Variants in FBXL7 observed in about 807,000 individuals in gnomAD.
FBXL7 encodes F-box/LRR-repeat protein 7.
A neutral mutation model predicts 38.3 loss-of-function variants in FBXL7; 12 were observed. That is an observed-to-expected ratio of 0.31 (90% CI 0.20 to 0.51). FBXL7 has a LOEUF of 0.51. FBXL7 is among the 20% of genes least tolerant of loss of function. The pLI, the probability that FBXL7 is intolerant of heterozygous loss-of-function variation, is 0.98. For missense variants in FBXL7, 567 were observed against 676.4 expected (o/e 0.84, Z 1.79); for synonymous variants, 297 against 300.9 (o/e 0.99, Z 0.13).
At chr5:15,656,742 A>C (rs955633111) in intron 2 of FBXL7, among the ~76,000 whole-genome samples, 1 of 152,126 alleles carries the variant, frequency 6.6e-6, no homozygotes, top group African/African-American at 2.4e-5. Flanking sequence ...TAGATGATGA[A>C]TATCTAATAG....
At chr5:15,878,599 G>A (rs1429284387) in intron 2 of FBXL7, among the ~76,000 whole-genome samples, 1 of 152,184 alleles carries the variant, frequency 6.6e-6, no homozygotes. Flanking sequence ...TTGGACACAT[G>A]TATTTCCTAC....
intron 2 of FBXL7, among the ~76,000 whole-genome samples, chr5:15,742,228 T>C (rs1735910764): frequency 6.6e-6 from 1 of 152,184 alleles, no homozygotes; most frequent in Non-Finnish European, 1.5e-5. Flanking sequence ...GTCCTCCCTC[T>C]GTGTGGTGGG....
intron 2 of FBXL7, among the ~76,000 whole-genome samples, chr5:15,641,709 G>A (rs1741373832): frequency 6.6e-6 from 1 of 151,996 alleles, no homozygotes; most frequent in Non-Finnish European, 1.5e-5. Flanking sequence ...AAGCCTGAAT[G>A]GAATAAAAGG....
At chr5:15,825,619 G>A (rs955787049) in intron 2 of FBXL7, among the ~76,000 whole-genome samples, 1 of 152,162 alleles carries the variant, frequency 6.6e-6, no homozygotes, top group Non-Finnish European at 1.5e-5. Context: ...CACTTCTGTT[G>A]TAATATATAA....
intron 1 of FBXL7, chr5:15,602,109 T>G (rs955898893): frequency 6.6e-6 from 1 of 152,146 alleles, no homozygotes. Flanking sequence ...GACAGAGGCA[T>G]GGATCAGAGT....
chr5:15,773,717 A>G (rs1036693687), intron 2 of FBXL7, among the ~76,000 whole-genome samples: 2 of 152,168 alleles, frequency 1.3e-5, no homozygotes, highest in Non-Finnish European at 2.9e-5. Context: ...GATGCAATCT[A>G]CAGAATTCCA....
rs1742174564 is a variant in FBXL7 at position 15,936,076 on chromosome 5, T to C, written c.740-374T>C. 6.6e-6 allele frequency among the ~76,000 whole-genome samples: 1 copy of C among 152,052 alleles called. No homozygotes were observed. The highest frequency in any genetic ancestry group is 2.4e-5 in the African/African-American group (1 of 41,370). On this transcript the variant is annotated intron_variant, in intron 3 of 3. Coordinates refer to ENST00000504595, the MANE Select transcript of FBXL7 (RefSeq NM_012304.5). The surrounding 1 kb of genome is among the most constrained non-coding windows in gnomAD (Gnocchi z 6.0). ...GGCCAAGGCAAGATATTTACACACATCCTCTCATTACTCCATCCCAGCTGC... is the reference window on the plus strand; with the variant it reads ...GGCCAAGGCAAGATATTTACACACACCCTCTCATTACTCCATCCCAGCTGC...
intron 1 of FBXL7, among the ~76,000 whole-genome samples, chr5:15,562,001 A>G (rs1420598602): frequency 6.6e-6 from 1 of 152,290 alleles, no homozygotes; most frequent in South Asian, 2.1e-4. Flanking sequence ...CTAATCTTGG[A>G]TAAGGCCACC....
intron 2 of FBXL7, among the ~76,000 whole-genome samples, chr5:15,624,821 A>C (rs1740757456): frequency 6.6e-6 from 1 of 151,246 alleles, no homozygotes; most frequent in Middle Eastern, 3.2e-3. Context: ...AGCCTCAAAT[A>C]ACTGTTTATG....
chr5:15,599,509 T>C (rs1372364466), intron 1 of FBXL7, among the ~76,000 whole-genome samples: 1 of 152,196 alleles, frequency 6.6e-6, no homozygotes, highest in Non-Finnish European at 1.5e-5. Flanking sequence ...GATCATGGTT[T>C]GGGATTGTAA....
At chr5:15,649,952 G>A (rs1741652250) in intron 2 of FBXL7, among the ~76,000 whole-genome samples, 1 of 152,214 alleles carries the variant, frequency 6.6e-6, no homozygotes, top group Admixed American at 6.5e-5. Flanking sequence ...TTTCTGTGAA[G>A]CAGTGCTCGT....
intron 2 of FBXL7, among the ~76,000 whole-genome samples, chr5:15,917,573 A>G (rs999237507): frequency 2.0e-5 from 3 of 151,786 alleles, no homozygotes; most frequent in African/African-American, 7.3e-5. Context: ...ATGTCACTGC[A>G]CTCCAGCCTG....
intron 2 of FBXL7, among the ~76,000 whole-genome samples, chr5:15,750,089 A>G (rs1313374838): frequency 6.6e-6 from 1 of 152,200 alleles, no homozygotes; most frequent in Non-Finnish European, 1.5e-5. Context: ...TATTTACTGA[A>G]GAAACATAAG....
chr5:15,588,478 C>G (rs1739368573), intron 1 of FBXL7, among the ~76,000 whole-genome samples: 2 of 151,568 alleles, frequency 1.3e-5, no homozygotes, highest in South Asian at 4.2e-4. Flanking sequence ...CCTCTGCCTC[C>G]CAGGTTCAAG....
chr5:15,654,412 A>G (rs1341093368), intron 2 of FBXL7, among the ~76,000 whole-genome samples: 3 of 123,720 alleles, frequency 2.4e-5, no homozygotes, highest in Non-Finnish European at 5.1e-5. Context: ...AAATTCATAA[A>G]AAACTGAAAA....
At chr5:15,827,992 T>C (rs1738359905) in intron 2 of FBXL7, among the ~76,000 whole-genome samples, 2 of 152,210 alleles carry the variant, frequency 1.3e-5, no homozygotes, top group South Asian at 4.1e-4. Context: ...TCAGAACTGT[T>C]TTCTGTGGAA....
chr5:15,606,590 A>G (rs1273708257), intron 1 of FBXL7, among the ~76,000 whole-genome samples: 1 of 152,220 alleles, frequency 6.6e-6, no homozygotes, highest in Admixed American at 6.5e-5. Context: ...ACTCGTTAGA[A>G]CATTCAGTGT....
At chr5:15,881,715 C>T (rs1740460349) in intron 2 of FBXL7, among the ~76,000 whole-genome samples, 1 of 152,144 alleles carries the variant, frequency 6.6e-6, no homozygotes, top group Non-Finnish European at 1.5e-5. Context: ...ACATTCCCAA[C>T]CTAAGAGCAG....
chr5:15,608,675 G>T (rs1485345643), intron 1 of FBXL7, among the ~76,000 whole-genome samples: 1 of 152,138 alleles, frequency 6.6e-6, no homozygotes, highest in Non-Finnish European at 1.5e-5. Flanking sequence ...CAAATCTGAG[G>T]TTTACTAAGA....
Sources: gnomAD v4.1 joint callset for allele counts (sites outside exome capture counted in the v4.1 genomes callset) on GRCh38, gnomAD v4.1.1 for gene constraint, Gnocchi (gnomAD v3.1) non-coding constraint, MANE v1.5 for transcripts, NCBI Gene and HGNC (gene_info 2026-07-23, HGNC 2026-07-21) for gene names.